The following LIPC variants were observed in gnomAD, a reference collection of about 807,000 sequenced individuals.
LIPC encodes hepatic triacylglycerol lipase.
In LIPC, 44 loss-of-function variants were observed where a neutral mutation model predicts 50.7. The ratio of observed to expected loss-of-function variants is 0.87; its 90% CI spans 0.68 to 1.11. The LOEUF is 1.11. LIPC is among the 50% of genes most tolerant of loss of function. The probability of loss-of-function intolerance (pLI) is 0.00; values close to 1 mark genes in which losing one functional copy is unlikely to be tolerated. For synonymous variants in LIPC, 271 were observed against 256.4 expected (o/e 1.06, Z -0.54); for missense variants, 697 against 648.2 (o/e 1.08, Z -0.82).
chr15:58,543,412 T>A (rs1272889783), intron 4 of LIPC, among the ~76,000 whole-genome samples: 1 of 152,100 alleles, frequency 6.6e-6, no homozygotes, highest in Non-Finnish European at 1.5e-5. Flanking sequence ...CCCATAGCTC[T>A]AGGCTTCAAC....
intron 1 of LIPC, chr15:58,454,322 G>C (rs1242407849): frequency 6.6e-6 from 1 of 152,226 alleles, no homozygotes; most frequent in African/African-American, 2.4e-5. Flanking sequence ...CCAGTCACAT[G>C]GGTCCCAACC....
At chr15:58,444,453 G>A (rs1177936236) in intron 1 of LIPC, among the ~76,000 whole-genome samples, 2 of 152,158 alleles carry the variant, frequency 1.3e-5, no homozygotes, top group Non-Finnish European at 2.9e-5. Flanking sequence ...AGTCTGCCAG[G>A]ACTGCCAGGA....
At chr15:58,520,248 T>C (rs1231759922) in intron 1 of LIPC, among the ~76,000 whole-genome samples, 1 of 152,030 alleles carries the variant, frequency 6.6e-6, no homozygotes, top group Non-Finnish European at 1.5e-5. Context: ...TAAAAGCAAT[T>C]TTGTTTGGGT....
intron 1 of LIPC, among the ~76,000 whole-genome samples, chr15:58,463,773 C>A (rs1421891373): frequency 6.6e-6 from 1 of 152,218 alleles, no homozygotes; most frequent in Non-Finnish European, 1.5e-5. Context: ...TAGGACCCCT[C>A]AACCTCTCTG....
intron 6 of LIPC, among the ~76,000 whole-genome samples, chr15:58,552,480 C>T (rs1893799698): frequency 6.6e-6 from 1 of 152,210 alleles, no homozygotes; most frequent in African/African-American, 2.4e-5. Context: ...TTCCACACTC[C>T]CTCTTCCATA....
chr15:58,520,446 C>A (rs1445237004), intron 1 of LIPC, among the ~76,000 whole-genome samples: 1 of 152,122 alleles, frequency 6.6e-6, no homozygotes, highest in African/African-American at 2.4e-5. Flanking sequence ...TCAGCCCTCT[C>A]CCCTACACAT....
chr15:58,473,474 G>C (rs1364242286), intron 1 of LIPC, among the ~76,000 whole-genome samples: 1 of 152,248 alleles, frequency 6.6e-6, no homozygotes, highest in East Asian at 1.9e-4. Context: ...AGGATGAAAG[G>C]CAAGCAGACA....
In LIPC at chr15:58,489,219, G is replaced by GTC. The variant is rs1555400832; in HGVS notation, c.89-49114_89-49113insTC. Among the ~76,000 whole-genome samples, 2 of 66,086 alleles carry GTC rather than the reference G, an allele frequency of 3.0e-5. 1 individual carries two copies. The highest frequency in any genetic ancestry group is 6.1e-5 in the Non-Finnish European group (2 of 32,882). The allele number at this position is 66,086 out of a possible 152,430, so 43.4% of individuals were successfully genotyped here. ...ACCATTAGGGATTCATTTTGTTGCG[G>GTC]GGGCGGGGGGGCGGCTTACAAGCTT... On this transcript the variant is annotated intron_variant, in intron 1 of 8. Coordinates refer to ENST00000299022, the MANE Select transcript of LIPC (RefSeq NM_000236.3).
At chr15:58,471,627 A>G (rs1890809102) in intron 1 of LIPC, among the ~76,000 whole-genome samples, 1 of 152,218 alleles carries the variant, frequency 6.6e-6, no homozygotes, top group African/African-American at 2.4e-5. Flanking sequence ...GCAGTAATCT[A>G]GGGGTGAGCT....
At chr15:58,501,117 C>A (rs1487095600) in intron 1 of LIPC, among the ~76,000 whole-genome samples, 2 of 152,092 alleles carry the variant, frequency 1.3e-5, no homozygotes, top group Non-Finnish European at 2.9e-5. Context: ...CTGGGTCCTG[C>A]TGACTCCACC....
At chr15:58,469,030 T>A (rs1894679748) in intron 1 of LIPC, among the ~76,000 whole-genome samples, 1 of 152,144 alleles carries the variant, frequency 6.6e-6, no homozygotes, top group Non-Finnish European at 1.5e-5. Flanking sequence ...TGATGAGGTA[T>A]GGTAAGCATT....
At chr15:58,471,132 C>CTTTTT (rs1894779360) in intron 1 of LIPC, among the ~76,000 whole-genome samples, 1 of 135,742 alleles carries the variant, frequency 7.4e-6, no homozygotes, top group African/African-American at 2.8e-5. Context: ...TTTTTCTTTT[C>CTTTTT]TCTTTTTTTT....
chr15:58,447,147 CAAAAAAAAAAAAA>C (rs34289431), intron 1 of LIPC, among the ~76,000 whole-genome samples: 2 of 62,336 alleles, frequency 3.2e-5, no homozygotes, highest in African/African-American at 1.2e-4. Context: ...GACTCCATCT[CAAAAAAAAAAAAA>C]AAAAAAAAAA....
At chr15:58,485,647 C>G (rs1386653754) in intron 1 of LIPC, among the ~76,000 whole-genome samples, 2 of 152,098 alleles carry the variant, frequency 1.3e-5, no homozygotes, top group Non-Finnish European at 2.9e-5. Context: ...TTGGATCTCA[C>G]AACATCTCTG....
intron 4 of LIPC, among the ~76,000 whole-genome samples, chr15:58,543,625 T>C (rs926119417): frequency 3.9e-5 from 6 of 152,162 alleles, no homozygotes; most frequent in African/African-American, 7.2e-5. Context: ...ATTTATATTT[T>C]ATCAAGTGAG....
At chr15:58,474,106 A>T (rs1890900750) in intron 1 of LIPC, among the ~76,000 whole-genome samples, 1 of 152,194 alleles carries the variant, frequency 6.6e-6, no homozygotes, top group African/African-American at 2.4e-5. Flanking sequence ...ATCATCAAGC[A>T]ACCAACCCTC....
chr15:58,440,619 T>G lies in LIPC; in HGVS notation c.88+8499T>G, dbSNP rs561660879. Among the ~76,000 whole-genome samples, 241 of 152,290 alleles carry G rather than the reference T, an allele frequency of 1.6e-3. 1 individual carries two copies. The highest frequency in any genetic ancestry group is 5.5e-3 in the African/African-American group (228 of 41,566). ...TCTCTAGCCCCTTATGGGGTGTGTG[T>G]GGGGGCAGGGAGGTTGGAGATTGGG... On this transcript the variant is annotated intron_variant, in intron 1 of 8. Coordinates refer to ENST00000299022, the MANE Select transcript of LIPC (RefSeq NM_000236.3).
At chr15:58,506,944 T>C (rs975505092) in intron 1 of LIPC, among the ~76,000 whole-genome samples, 7 of 152,254 alleles carry the variant, frequency 4.6e-5, no homozygotes, top group Admixed American at 1.3e-4. Context: ...AGCAAACACA[T>C]CCTTCCGCAA....
intron 1 of LIPC, among the ~76,000 whole-genome samples, chr15:58,495,387 T>C (rs1314868130): frequency 6.6e-6 from 1 of 152,248 alleles, no homozygotes; most frequent in South Asian, 2.1e-4. Context: ...TCATAGAATC[T>C]GTTTCTCTCC....
Sources: gnomAD v4.1 joint callset for allele counts (sites outside exome capture counted in the v4.1 genomes callset) on GRCh38, gnomAD v4.1.1 for gene constraint, MANE v1.5 for transcripts, NCBI Gene and HGNC (gene_info 2026-07-23, HGNC 2026-07-21) for gene names.